The following KLHL23 variants were observed in gnomAD, a reference collection of about 807,000 sequenced individuals.
KLHL23 encodes the protein kelch-like protein 23.
A neutral mutation model predicts 48.9 loss-of-function variants in KLHL23; 33 were observed. That is an observed-to-expected ratio of 0.67 (90% CI 0.51 to 0.90). KLHL23 has a LOEUF of 0.90. Ranked by LOEUF, KLHL23 falls within the 40% of genes least tolerant of loss-of-function variation. The pLI is 0.00. For missense variants in KLHL23, 608 were observed against 669.6 expected, an observed-to-expected ratio of 0.91 and a Z score of 1.02; for synonymous variants, 234 against 231.6, an observed-to-expected ratio of 1.01 and a Z score of -0.09.
rs55779546 is a variant in KLHL23 at position 169,740,766 on chromosome 2, T to TTATATATATATATATATATATATATATA, written c.1214-593_1214-592insTATATATATATATATATATATATATATA. Among the ~76,000 whole-genome samples the TTATATATATATATATATATATATATATA allele has an allele frequency of 8.3e-4, 104 of 125,398 alleles. 1 individual carries two copies. The highest frequency in any genetic ancestry group is 3.0e-3 in the African/African-American group (98 of 32,936). The allele number at this position is 125,398 out of a possible 152,430, so 82.3% of individuals were successfully genotyped here. ...CCCGGCCTCTATAAGCTTTTTTATA[T>TTATATATATATATATATATATATATATA]TATATATATATATATATATATATAT... On this transcript the variant is annotated intron_variant, in intron 2 of 3. Coordinates refer to ENST00000392647, the MANE Select transcript of KLHL23 (RefSeq NM_144711.6).
Position 169,750,147 on chromosome 2 carries a change from T to TATATATATATACACATATATAC in KLHL23, c.*415_*416insATATATATATACACATATATAC, listed in dbSNP as rs1688939210. On this transcript the variant is annotated 3_prime_UTR_variant, in exon 4 of 4. Transcript: ENST00000392647. ...ATATACACATATATACGTATATATG[T>TATATATATATACACATATATAC]GTATATATATACACAGTTGAATCAG... The TATATATATATACACATATATAC allele has an allele frequency of 9.8e-6, 1 of 102,212 alleles. No homozygotes were observed. Among genetic ancestry groups the TATATATATATACACATATATAC allele is most frequent in the Non-Finnish European group, 2.1e-5 (1 of 46,602 alleles). 6.3% of individuals were successfully genotyped at this position (102,212 alleles called of 1,614,324 possible).
At chr2:169,742,395 A>G (rs1158573719) in intron 3 of KLHL23, among the ~76,000 whole-genome samples, 2 of 152,238 alleles carry the variant, frequency 1.3e-5, no homozygotes, top group Non-Finnish European at 2.9e-5. Context: ...GTCTGTGAGC[A>G]GGTATTGTTT....
intron 2 of KLHL23, chr2:169,741,099 A>C (rs1688666622): frequency 4.0e-6 from 1 of 252,024 alleles, no homozygotes; most frequent in Non-Finnish European, 7.6e-6. Flanking sequence ...CCATGTCTTT[A>C]AAACAGCTAC....
chr2:169,748,244 C>T (rs1688843553), intron 3 of KLHL23, among the ~76,000 whole-genome samples: 1 of 152,176 alleles, frequency 6.6e-6, no homozygotes, highest in Non-Finnish European at 1.5e-5. Flanking sequence ...AGGGAATGCC[C>T]TTTGAAGAGG....
Position 169,735,097 on chromosome 2 carries a change from C to T in KLHL23, c.83C>T (p.Thr28Ile). ...HPVDFLDAFR[T>I]FYLDGLFTDI... Reference sequence around the variant, plus strand: ...GTGGATTTTCTGGATGCATTCAGAACATTTTACTTGGATGGATTATTTACT... The same window carrying T: ...GTGGATTTTCTGGATGCATTCAGAATATTTTACTTGGATGGATTATTTACT... The change falls in exon 2 of 4, where the codon ACA (threonine) becomes ATA (isoleucine). Residue 28 changes from threonine to isoleucine, a missense_variant. Coordinates refer to ENST00000392647, the MANE Select transcript of KLHL23 (RefSeq NM_144711.6). This position sits in a 1 kb window ranked among gnomAD's most constrained non-coding sequence, Gnocchi z 4.5. The T allele has an allele frequency of 6.2e-7, 1 of 1,607,330 alleles. No individual in the cohort carries two copies. Among genetic ancestry groups the T allele is most frequent in the Non-Finnish European group, 8.5e-7 (1 of 1,178,360 alleles).
intron 3 of KLHL23, among the ~76,000 whole-genome samples, chr2:169,744,430 A>C (rs1688746148): frequency 6.6e-6 from 1 of 152,178 alleles, no homozygotes; most frequent in African/African-American, 2.4e-5. Flanking sequence ...GTGGAAAGGA[A>C]AGTTTCAGGT....
chr2:169,737,618 TC>T (rs1405361313), intron 2 of KLHL23, among the ~76,000 whole-genome samples: 1 of 144,444 alleles, frequency 6.9e-6, no homozygotes, highest in Non-Finnish European at 1.5e-5. Context: ...TTTTTCTTTT[TC>T]TTTTTTTTTT....
At chr2:169,740,185 T>C (rs1688639185) in intron 2 of KLHL23, among the ~76,000 whole-genome samples, 1 of 152,148 alleles carries the variant, frequency 6.6e-6, no homozygotes, top group African/African-American at 2.4e-5. Context: ...TAAACATAGC[T>C]CACTGCAGCC....
chr2:169,741,176 G>A (rs1013333696), intron 2 of KLHL23: 3 of 477,410 alleles, frequency 6.3e-6, no homozygotes, highest in African/African-American at 5.8e-5. Context: ...ATTGTGCGTG[G>A]TGCATGGCTG....
intron 2 of KLHL23, chr2:169,741,166 A>G (rs1451834573): frequency 2.4e-6 from 1 of 415,716 alleles, no homozygotes; most frequent in Non-Finnish European, 4.2e-6. Flanking sequence ...TATGGAGATC[A>G]TTGTGCGTGG....
At chr2:169,736,248 T>C (rs1364651916) in intron 2 of KLHL23, 21 bp downstream of exon 2, 1 of 1,569,114 alleles carries the variant, frequency 6.4e-7, no homozygotes, top group East Asian at 2.2e-5. Context: ...ATTATGTTTA[T>C]TTTGTATTTT....
At position 169,745,070 on chromosome 2, in the gene KLHL23, G is replaced by A. The variant is rs191122267; in HGVS notation, c.1366+3533G>A. On this transcript the variant is annotated intron_variant, in intron 3 of 3. Transcript: ENST00000392647. The stretch of plus-strand genomic sequence containing the variant: ...TGGGATTACAGGCATGCACCACCAC[G>A]CCTGGCTAATTTTTGTATTTTTTTT... Among the ~76,000 whole-genome samples the A allele has an allele frequency of 6.0e-3, 911 of 150,964 alleles. 6 individuals carry two copies. Among genetic ancestry groups the A allele is most frequent in the African/African-American group, 0.021 (858 of 41,122 alleles).
intron 3 of KLHL23, among the ~76,000 whole-genome samples, chr2:169,745,847 T>C (rs1162243117): frequency 6.6e-6 from 1 of 152,084 alleles, no homozygotes; most frequent in Non-Finnish European, 1.5e-5. Flanking sequence ...GAGCTCGATT[T>C]TATAGTTTAG....
intron 1 of KLHL23, 63 bp from the exon 2 acceptor site, chr2:169,734,950 C>G (rs1284067632): frequency 6.7e-7 from 1 of 1,494,576 alleles, no homozygotes; most frequent in Non-Finnish European, 8.9e-7. Flanking sequence ...AGTTATTTAG[C>G]GTTGATTATT....
At position 169,735,505 on chromosome 2, in the gene KLHL23, C is replaced by G; in HGVS notation, c.491C>G (p.Ser164Ter). ...LEKESRRILC[S>*]KFKEVWQQEE... ...AAGGAATCTCGAAGAATTCTATGTTCAAAGTTTAAGGAAGTGTGGCAACAA... is the reference window on the plus strand; with the variant it reads ...AAGGAATCTCGAAGAATTCTATGTTGAAAGTTTAAGGAAGTGTGGCAACAA... Residue 164 changes from serine to a stop codon, truncating the protein, a stop_gained, in exon 2 of 4, where the codon TCA becomes TGA. Coordinates refer to ENST00000392647, the MANE Select transcript of KLHL23 (RefSeq NM_144711.6). LOFTEE classifies it high-confidence loss of function. This position sits in a 1 kb window ranked among gnomAD's most constrained non-coding sequence, Gnocchi z 4.5. 5 of 1,613,892 alleles carry G rather than the reference C, an allele frequency of 3.1e-6. No individual in the cohort carries two copies. Among genetic ancestry groups the G allele is most frequent in the Non-Finnish European group, 4.2e-6 (5 of 1,179,994 alleles).
At chr2:169,734,331 C>T (rs1172800575) in intron 1 of KLHL23, among the ~76,000 whole-genome samples, 1 of 147,838 alleles carries the variant, frequency 6.8e-6, no homozygotes, top group Non-Finnish European at 1.5e-5. Flanking sequence ...GGCACCGGGC[C>T]CGCGGGCGGC....
intron 3 of KLHL23, among the ~76,000 whole-genome samples, chr2:169,747,951 C>T (rs535156824): frequency 6.6e-6 from 1 of 152,054 alleles, no homozygotes; most frequent in African/African-American, 2.4e-5. Context: ...AAAGGGAGAC[C>T]CCATCTCTAC....
In KLHL23 at chr2:169,749,986, C is replaced by CTCAT. The variant is rs1553478050; in HGVS notation, c.*254_*255insTCAT. 2 of 97,702 alleles carry CTCAT rather than the reference C, an allele frequency of 2.0e-5. No homozygotes were observed. Among genetic ancestry groups the CTCAT allele is most frequent in the African/African-American group, 1.2e-4 (2 of 17,232 alleles). 6.1% of individuals were successfully genotyped at this position (97,702 alleles called of 1,614,324 possible). ...GTATACATATATATGTGTATATATACGTATGTATACATATATGTGTATATA... is the reference window on the plus strand; with the variant it reads ...GTATACATATATATGTGTATATATACTCATGTATGTATACATATATGTGTATATA... On this transcript the variant is annotated 3_prime_UTR_variant, in exon 4 of 4. Transcript: ENST00000392647.
chr2:169,740,766 T>TAATATATATATATA lies in KLHL23; in HGVS notation c.1214-619_1214-618insAATATATATATATA, dbSNP rs1553477017. 6.9e-3 allele frequency among the ~76,000 whole-genome samples: 860 copies of TAATATATATATATA among 125,432 alleles called. 34 individuals are homozygous for TAATATATATATATA. The highest frequency in any genetic ancestry group is 0.058 in the Middle Eastern group (15 of 258). The allele number at this position is 125,432 out of a possible 152,430, so 82.3% of individuals were successfully genotyped here. A position where few individuals can be genotyped will look rare whatever the true frequency, so the allele number is the denominator to read the frequency against. Reference sequence around the variant, plus strand: ...CCCGGCCTCTATAAGCTTTTTTATATTATATATATATATATATATATATAT... The same window carrying TAATATATATATATA: ...CCCGGCCTCTATAAGCTTTTTTATATAATATATATATATATATATATATATATATATATATATAT... On this transcript the variant is annotated intron_variant, in intron 2 of 3. Transcript: ENST00000392647.
Sources: gnomAD v4.1 joint callset for allele counts (sites outside exome capture counted in the v4.1 genomes callset) on GRCh38, gnomAD v4.1.1 for gene constraint, Gnocchi (gnomAD v3.1) non-coding constraint, MANE v1.5 for transcripts, NCBI Gene and HGNC (gene_info 2026-07-23, HGNC 2026-07-21) for gene names.